Variants in STK3 observed in about 807,000 individuals in gnomAD.
STK3 encodes serine/threonine-protein kinase 3.
Under a neutral mutation model 58.0 loss-of-function variants are expected in STK3, and 41 were observed. That is an observed-to-expected ratio of 0.71 (90% CI 0.55 to 0.92). The LOEUF (loss-of-function observed/expected upper bound fraction) is 0.92, where lower values mean the gene tolerates loss of function less well. Among genes scored for constraint, STK3 ranks in the 40% least tolerant of loss-of-function variants. STK3 has a pLI of 0.00. For missense variants in STK3, 479 were observed against 602.7 expected, an observed-to-expected ratio of 0.79 and a Z score of 2.15; for synonymous variants, 170 against 191.0, an observed-to-expected ratio of 0.89 and a Z score of 0.91.
At chr8:98,691,115 T>C (rs574224562) in intron 6 of STK3, among the ~76,000 whole-genome samples, 40 of 152,288 alleles carry the variant, frequency 2.6e-4, no homozygotes, top group Non-Finnish European at 2.1e-4. Context: ...GATACTATGT[T>C]CACTATCTGG....
chr8:98,740,582 C>G (rs1330989145), intron 4 of STK3, among the ~76,000 whole-genome samples: 2 of 152,100 alleles, frequency 1.3e-5, no homozygotes, highest in Non-Finnish European at 2.9e-5. Flanking sequence ...CCTAAAAGAG[C>G]TCCTGAAGGA....
rs774267335 is a variant in STK3 at position 98,428,102 on chromosome 8, G to A, written n.483+6025C>T. 3 of 1,613,738 alleles carry A rather than the reference G, an allele frequency of 1.9e-6. No individual in the cohort carries two copies. Among genetic ancestry groups the A allele is most frequent in the South Asian group, 1.1e-5 (1 of 91,082 alleles). On this transcript the variant is annotated intron_variant and non_coding_transcript_variant, in intron 3 of 3. Transcript: ENST00000517832. The surrounding 1 kb of genome is among the most constrained non-coding windows in gnomAD (Gnocchi z 6.7). ...ACACGCTGCTGCGCTTCCCCGAGAC[G>A]CGCCTGGGCCGCTTGCTGCTCTGCC...
Position 98,411,060 on chromosome 8 carries a change from A to C in STK3, n.484-9547T>G, listed in dbSNP as rs1586551829. 2.6e-5 allele frequency among the ~76,000 whole-genome samples: 4 copies of C among 152,314 alleles called. No homozygotes were observed. The South Asian group carries it at 6.2e-4, about 24-fold the overall frequency. Reference sequence around the variant, plus strand: ...AACACTTAGATGAGGCTTATTTTCAACCATCCATGCCCATTTGTACACGCC... The same window carrying C: ...AACACTTAGATGAGGCTTATTTTCACCCATCCATGCCCATTTGTACACGCC... On this transcript the variant is annotated intron_variant and non_coding_transcript_variant, in intron 3 of 3. Transcript: ENST00000517832.
intron 1 of STK3, chr8:98,905,041 A>T (rs1838835783): frequency 3.2e-6 from 3 of 929,214 alleles, no homozygotes; most frequent in Non-Finnish European, 5.3e-6. Context: ...TAATACCTGG[A>T]TTCCCCATAG....
chr8:98,775,950 C>T (rs944408587), intron 1 of STK3, among the ~76,000 whole-genome samples: 2 of 152,102 alleles, frequency 1.3e-5, no homozygotes. Flanking sequence ...AGGCTGATTG[C>T]AGAAATTTAA....
At chr8:98,454,175 C>T (rs1363699407), downstream of STK3, among the ~76,000 whole-genome samples, 1 of 151,972 alleles carries the variant, frequency 6.6e-6, no homozygotes, top group African/African-American at 2.4e-5. Flanking sequence ...AGACAATATA[C>T]CTTCTGTGAC....
chr8:98,672,444 T>C (rs1822902718), intron 6 of STK3, among the ~76,000 whole-genome samples: 1 of 152,206 alleles, frequency 6.6e-6, no homozygotes, highest in Non-Finnish European at 1.5e-5. Context: ...TTCTATAGAA[T>C]CATATATCTG....
At chr8:98,551,369 G>A (rs1811155272) in intron 8 of STK3, among the ~76,000 whole-genome samples, 1 of 152,108 alleles carries the variant, frequency 6.6e-6, no homozygotes, top group Non-Finnish European at 1.5e-5. Flanking sequence ...GAGTACCTCT[G>A]AATCCACTAA....
chr8:98,488,954 G>C (rs76029845), intron 10 of STK3, among the ~76,000 whole-genome samples: 7,046 of 152,228 alleles, frequency 0.046, 286 homozygotes, highest in South Asian at 0.2. Context: ...GATGGCTGGG[G>C]CATGCCCATT....
At chr8:98,531,731 T>A (rs1041342788) in intron 9 of STK3, among the ~76,000 whole-genome samples, 1 of 152,212 alleles carries the variant, frequency 6.6e-6, no homozygotes, top group East Asian at 1.9e-4. Context: ...GTAGCCACCT[T>A]CATCAATTAT....
chr8:98,480,297 G>C (rs1160969685), intron 10 of STK3, among the ~76,000 whole-genome samples: 2 of 145,658 alleles, frequency 1.4e-5, no homozygotes, highest in Admixed American at 9.0e-5. Context: ...AAAGGAGACA[G>C]AGAGAAAAAA....
At chr8:98,476,656 C>T (rs948147629) in intron 10 of STK3, among the ~76,000 whole-genome samples, 3 of 152,124 alleles carry the variant, frequency 2.0e-5, no homozygotes, top group Admixed American at 1.3e-4. Context: ...AAACTTACCA[C>T]AAAACTAATG....
intron 3 of STK3, among the ~76,000 whole-genome samples, chr8:98,849,777 T>G (rs1229792204): frequency 2.0e-5 from 3 of 150,410 alleles, no homozygotes. Flanking sequence ...TCCTTGGAGG[T>G]GGGGGTGGGG....
At chr8:98,722,805 T>C (rs527913743) in intron 4 of STK3, 3 of 405,014 alleles carry the variant, frequency 7.4e-6, no homozygotes, top group East Asian at 7.2e-5. Context: ...TATTTCAAAA[T>C]GGTCAGATTT....
At chr8:98,601,285 C>T (rs1194030985) in intron 6 of STK3, among the ~76,000 whole-genome samples, 1 of 152,198 alleles carries the variant, frequency 6.6e-6, no homozygotes, top group African/African-American at 2.4e-5. Context: ...GTCTGCCCCA[C>T]AACCACCTCT....
At chr8:98,912,656 T>C (rs1325172828) in intron 1 of STK3, among the ~76,000 whole-genome samples, 4 of 152,132 alleles carry the variant, frequency 2.6e-5, no homozygotes, top group Non-Finnish European at 5.9e-5. Flanking sequence ...GGCTGAGTCA[T>C]GCATGCCCAG....
intron 3 of STK3, among the ~76,000 whole-genome samples, chr8:98,409,271 G>A (rs773386662): frequency 6.6e-6 from 1 of 152,178 alleles, no homozygotes; most frequent in Admixed American, 6.5e-5. Context: ...TAGAAGAAGA[G>A]TGTCTCCCAC....
chr8:98,838,383 T>C (rs1327387648), intron 3 of STK3, among the ~76,000 whole-genome samples: 2 of 152,216 alleles, frequency 1.3e-5, no homozygotes. Context: ...ATTTCTAATG[T>C]GTCTTGACTG....
At chr8:98,783,609 T>C (rs1009684118) in intron 1 of STK3, among the ~76,000 whole-genome samples, 2 of 152,186 alleles carry the variant, frequency 1.3e-5, no homozygotes, top group African/African-American at 4.8e-5. Context: ...AAGACAACAA[T>C]GAAGTTTGCC....
Sources: allele counts gnomAD v4.1 joint callset (sites outside exome capture counted in the v4.1 genomes callset), GRCh38; gene constraint gnomAD v4.1.1; non-coding constraint Gnocchi (gnomAD v3.1); transcripts MANE v1.5; gene names NCBI Gene and HGNC (gene_info 2026-07-23, HGNC 2026-07-21).